ANKS1B: variants seen among roughly 807,000 people sequenced by gnomAD.
ANKS1B encodes ankyrin repeat and sterile alpha motif domain containing 1B.
In ANKS1B, 36 loss-of-function variants were observed where a neutral mutation model predicts 148.3. The observed-to-expected ratio is 0.24, with a 90% confidence interval of 0.19 to 0.32. The LOEUF is 0.32. Ranked by LOEUF, ANKS1B falls within the 10% of genes least tolerant of loss-of-function variation. The pLI is 1.00. For synonymous variants in ANKS1B, 542 were observed against 560.8 expected, an observed-to-expected ratio of 0.97 and a Z score of 0.47; for missense variants, 1,157 against 1,542.6, an observed-to-expected ratio of 0.75 and a Z score of 4.19.
intron 19 of ANKS1B, among the ~76,000 whole-genome samples, chr12:98,809,516 G>A (rs1307564513): frequency 6.6e-6 from 1 of 152,154 alleles, no homozygotes; most frequent in Non-Finnish European, 1.5e-5. Context: ...GAGACCACCT[G>A]TCATCTGATA....
At chr12:99,133,894 C>T (rs934918897) in intron 15 of ANKS1B, among the ~76,000 whole-genome samples, 2 of 152,202 alleles carry the variant, frequency 1.3e-5, no homozygotes, top group African/African-American at 4.8e-5. Flanking sequence ...TAAACTTCAA[C>T]TCAACCCAAT....
chr12:99,682,225 A>G (rs2098624126), intron 8 of ANKS1B, among the ~76,000 whole-genome samples: 1 of 152,220 alleles, frequency 6.6e-6, no homozygotes, highest in African/African-American at 2.4e-5. Context: ...CAACAAAGAA[A>G]CAATGAACTT....
At chr12:99,529,200 A>C (rs1464863752) in intron 9 of ANKS1B, among the ~76,000 whole-genome samples, 1 of 152,324 alleles carries the variant, frequency 6.6e-6, no homozygotes, top group Non-Finnish European at 1.5e-5. Context: ...CCTCAAAAAA[A>C]GACCTAGATG....
rs868617818 is a variant in ANKS1B at position 98,979,047 on chromosome 12, C to A, written c.2778+74110G>T. 8.2e-4 allele frequency among the ~76,000 whole-genome samples: 124 copies of A among 151,644 alleles called. 1 individual carries two copies. Among genetic ancestry groups the A allele is most frequent in the African/African-American group, 2.9e-3 (121 of 41,404 alleles). Reference sequence around the variant, plus strand: ...GTCCCAGCTACTCGGGAGGCTGAGGCAGGAGAATGGCGTGAACCCGGGAGG... The same window carrying A: ...GTCCCAGCTACTCGGGAGGCTGAGGAAGGAGAATGGCGTGAACCCGGGAGG... On this transcript the variant is annotated intron_variant, in intron 17 of 26. Coordinates refer to ENST00000683438, the MANE Select transcript of ANKS1B (RefSeq NM_001352186.2).
At chr12:98,846,773 C>T (rs2099475389) in intron 17 of ANKS1B, among the ~76,000 whole-genome samples, 2 of 152,176 alleles carry the variant, frequency 1.3e-5, no homozygotes, top group South Asian at 4.1e-4. Flanking sequence ...TCTACTCTTT[C>T]GAGTTAAATA....
chr12:99,067,537 A>G (rs746759348), intron 16 of ANKS1B, among the ~76,000 whole-genome samples: 7 of 152,204 alleles, frequency 4.6e-5, no homozygotes, highest in Non-Finnish European at 1.0e-4. Context: ...TCACCACAAT[A>G]GGCTAGAGCA....
chr12:99,734,169 CTCT>C (rs1018820357), intron 8 of ANKS1B, among the ~76,000 whole-genome samples: 2 of 152,162 alleles, frequency 1.3e-5, no homozygotes, highest in African/African-American at 4.8e-5. Flanking sequence ...ATCTTTACCT[CTCT>C]TTACTCCTTG....
At chr12:98,792,579 G>A (rs1002489004) in intron 22 of ANKS1B, among the ~76,000 whole-genome samples, 1 of 152,086 alleles carries the variant, frequency 6.6e-6, no homozygotes, top group Non-Finnish European at 1.5e-5. Context: ...TGTTACCATT[G>A]AGCAACGTCT....
intron 9 of ANKS1B, among the ~76,000 whole-genome samples, chr12:99,544,132 A>C (rs1258078010): frequency 6.6e-6 from 1 of 152,190 alleles, no homozygotes; most frequent in South Asian, 2.1e-4. Context: ...TTCTTTAAAA[A>C]AAAACTACCT....
chr12:99,132,291 C>T (rs1283214219), intron 15 of ANKS1B, among the ~76,000 whole-genome samples: 2 of 152,002 alleles, frequency 1.3e-5, no homozygotes, highest in Admixed American at 1.3e-4. Flanking sequence ...GCGGGGATCA[C>T]TTTGATCAGA....
intron 15 of ANKS1B, among the ~76,000 whole-genome samples, chr12:99,151,155 T>C (rs1159591841): frequency 1.3e-5 from 2 of 152,030 alleles, no homozygotes; most frequent in East Asian, 1.9e-4. Context: ...GTCTTTAAGA[T>C]ACAGGGAAAA....
At chr12:98,991,325 G>A (rs898450565) in intron 17 of ANKS1B, among the ~76,000 whole-genome samples, 1 of 152,170 alleles carries the variant, frequency 6.6e-6, no homozygotes, top group Non-Finnish European at 1.5e-5. Flanking sequence ...TTTGCATATA[G>A]GGTACACAGA....
intron 17 of ANKS1B, among the ~76,000 whole-genome samples, chr12:99,034,172 C>T (rs1217356383): frequency 6.6e-6 from 1 of 152,112 alleles, no homozygotes; most frequent in Non-Finnish European, 1.5e-5. Context: ...GCTCTGTAGT[C>T]GTACAAAGCA....
chr12:99,956,608 T>C (rs1041759064), intron 1 of ANKS1B, among the ~76,000 whole-genome samples: 2 of 152,166 alleles, frequency 1.3e-5, no homozygotes, highest in Non-Finnish European at 2.9e-5. Flanking sequence ...AGCCCACCAG[T>C]ATGTAGACAG....
intron 9 of ANKS1B, among the ~76,000 whole-genome samples, chr12:99,572,685 T>C (rs2097471894): frequency 1.3e-5 from 2 of 152,012 alleles, no homozygotes; most frequent in South Asian, 2.1e-4. Context: ...TAATATAATT[T>C]TGAGGCAGCA....
chr12:99,321,985 G>T (rs1337730125), intron 12 of ANKS1B, among the ~76,000 whole-genome samples: 1 of 152,188 alleles, frequency 6.6e-6, no homozygotes, highest in Non-Finnish European at 1.5e-5. Context: ...AATACCATCT[G>T]TCCCAGCAAT....
intron 10 of ANKS1B, among the ~76,000 whole-genome samples, chr12:99,455,260 T>C (rs571170138): frequency 6.6e-6 from 1 of 152,176 alleles, no homozygotes; most frequent in East Asian, 1.9e-4. Flanking sequence ...ACTGACTCTC[T>C]ATGAAAGGAA....
chr12:99,825,972 C>A (rs2083133206), intron 1 of ANKS1B, among the ~76,000 whole-genome samples: 1 of 152,044 alleles, frequency 6.6e-6, no homozygotes, highest in Admixed American at 6.6e-5. Flanking sequence ...ATTGATTTTA[C>A]TATGCAATAT....
At chr12:99,743,323 A>G (rs2060294839) in intron 8 of ANKS1B, among the ~76,000 whole-genome samples, 1 of 152,216 alleles carries the variant, frequency 6.6e-6, no homozygotes. Flanking sequence ...CATTAATTTT[A>G]GCATACATGT....
Sources: gnomAD v4.1 joint callset for allele counts (sites outside exome capture counted in the v4.1 genomes callset) on GRCh38, gnomAD v4.1.1 for gene constraint, MANE v1.5 for transcripts, NCBI Gene and HGNC (gene_info 2026-07-23, HGNC 2026-07-21) for gene names.